The following DCST1 variants were observed in gnomAD, a reference collection of about 807,000 sequenced individuals.
DCST1 encodes E3 ubiquitin-protein ligase DCST1.
A neutral mutation model predicts 89.1 loss-of-function variants in DCST1; 78 were observed. That is an observed-to-expected ratio of 0.88 (90% CI 0.73 to 1.06). The LOEUF is 1.06. Among genes scored for constraint, DCST1 ranks in the 50% least tolerant of loss-of-function variants. DCST1 has a pLI of 0.00. For missense variants in DCST1, 900 were observed against 928.6 expected (o/e 0.97, Z 0.40); for synonymous variants, 364 against 371.9 (o/e 0.98, Z 0.24).
intron 10 of DCST1, among the ~76,000 whole-genome samples, chr1:155,043,716 GCCAA>G (rs1489490934): frequency 2.6e-5 from 4 of 152,080 alleles, no homozygotes; most frequent in African/African-American, 7.2e-5. Flanking sequence ...GCCTTAAAAG[GCCAA>G]CCGTCTTCAT....
chr1:155,042,409 C>T (rs1233032014), intron 8 of DCST1, among the ~76,000 whole-genome samples: 1 of 152,134 alleles, frequency 6.6e-6, no homozygotes, highest in Non-Finnish European at 1.5e-5. Flanking sequence ...ACATTAAGGG[C>T]TTTTAAGGAT....
chr1:155,035,445 AGCCACCGT>A (rs1465630715), intron 4 of DCST1, among the ~76,000 whole-genome samples: 1 of 152,098 alleles, frequency 6.6e-6, no homozygotes, highest in African/African-American at 2.4e-5. Context: ...TACAGGTGTA[AGCCACCGT>A]GCCCAGCCCA....
intron 10 of DCST1, among the ~76,000 whole-genome samples, chr1:155,044,027 A>G (rs1211935790): frequency 6.6e-6 from 1 of 152,020 alleles, no homozygotes; most frequent in Non-Finnish European, 1.5e-5. Flanking sequence ...CTCCACTCCC[A>G]AACACCTGAG....
At chr1:155,041,348 T>G (rs1469795936) in intron 6 of DCST1, 49 bp from the exon 7 acceptor site, 4 of 1,598,862 alleles carry the variant, frequency 2.5e-6, no homozygotes, top group Non-Finnish European at 3.4e-6. Context: ...GCAGCAGAAG[T>G]TCTAAAGCCC....
At chr1:155,034,823 T>G in intron 4 of DCST1, 96 bp downstream of exon 4, 2 of 1,319,102 alleles carry the variant, frequency 1.5e-6, no homozygotes, top group Non-Finnish European at 2.2e-6. Flanking sequence ...GTTTCTTCTG[T>G]ACCCATACAT....
intron 16 of DCST1, chr1:155,049,046 T>A (rs1373065539): frequency 1.4e-6 from 1 of 717,402 alleles, no homozygotes; most frequent in Non-Finnish European, 2.6e-6. Flanking sequence ...ACTGGAGAGA[T>A]CTGTAAGGCC....
intron 10 of DCST1, 70 bp downstream of exon 10, chr1:155,043,579 G>GT (rs1302715483): frequency 1.3e-6 from 2 of 1,486,012 alleles, no homozygotes; most frequent in Non-Finnish European, 1.8e-6. Flanking sequence ...GAGGGAGGCT[G>GT]TAAGGATGGA....
At position 155,041,842 on chromosome 1, in the gene DCST1, T is replaced by C; in HGVS notation, c.877T>C (p.Cys293Arg). ...CCTGCCTATGAAGTTCAAGTTCTTC[T>C]GTGGCATTGCCAAGGGTCTGCACAG... ...LCLPMKFKFF[C>R]GIAKVMEVWC... The change falls in exon 8 of 17, where the codon TGT becomes CGT. Residue 293 changes from cysteine (C) to arginine (R), a missense_variant. By Grantham distance (180) the Cys-to-Arg change is radical. Coordinates refer to ENST00000295542, the MANE Select transcript of DCST1 (RefSeq NM_152494.4). 1 of 1,614,224 alleles carries C rather than the reference T, an allele frequency of 6.2e-7. No homozygotes were observed. Among genetic ancestry groups the C allele is most frequent in the Non-Finnish European group, 8.5e-7 (1 of 1,180,044 alleles).
At chr1:155,042,601 A>G in intron 8 of DCST1, 134 bp from the exon 9 acceptor site, 1 of 1,198,912 alleles carries the variant, frequency 8.3e-7, no homozygotes, top group South Asian at 1.4e-5. Flanking sequence ...AAGACTCAGC[A>G]TTGGTGTGGT....
At chr1:155,047,086 G>A (rs556050950) in intron 13 of DCST1, 110 bp from the exon 14 acceptor site, 1 of 889,964 alleles carries the variant, frequency 1.1e-6, no homozygotes, top group Non-Finnish European at 1.9e-6. Flanking sequence ...AAAGACTCAG[G>A]CAGCTGAGAA....
At chr1:155,047,037 A>G (rs993698409) in intron 13 of DCST1, among the ~76,000 whole-genome samples, 159 bp from the exon 14 acceptor site, 4 of 151,994 alleles carry the variant, frequency 2.6e-5, no homozygotes, top group African/African-American at 9.7e-5. Flanking sequence ...TACACTTACA[A>G]CTGGGAGCAG....
chr1:155,049,840 A>C (rs1181282086), intron 16 of DCST1, among the ~76,000 whole-genome samples: 1 of 152,260 alleles, frequency 6.6e-6, no homozygotes, highest in Non-Finnish European at 1.5e-5. Flanking sequence ...GTCGTGAAGC[A>C]AACTGAATGT....
rs755402254 is a variant in DCST1, at chr1:155,043,504, G to A, written c.1167G>A (p.Leu389=). Residue 389 remains leucine (L), a synonymous_variant, in exon 10 of 17, where the codon CTG becomes CTA. Coordinates refer to ENST00000295542, the MANE Select transcript of DCST1 (RefSeq NM_152494.4). ...TCTCCTGCACTTTCCTGCTGGTCCT[G>A]CATGCGTGAGCCATAGTCCCCACCC... ...VLLSCTFLLV[L]HASFSYMDSY... 4 of 1,583,784 alleles carry A rather than the reference G, an allele frequency of 2.5e-6. No homozygotes were observed. Among genetic ancestry groups the A allele is most frequent in the South Asian group, 2.3e-5 (2 of 85,752 alleles).
intron 2 of DCST1, 147 bp downstream of exon 2, chr1:155,034,244 C>A: frequency 6.5e-7 from 1 of 1,540,814 alleles, no homozygotes; most frequent in Non-Finnish European, 8.9e-7. Flanking sequence ...CCAGCCCAGC[C>A]CTTGCCTTTG....
intron 5 of DCST1, among the ~76,000 whole-genome samples, chr1:155,039,986 G>A (rs1250634911): frequency 2.9e-5 from 2 of 68,412 alleles, no homozygotes; most frequent in African/African-American, 1.3e-4. Flanking sequence ...GCAAGACTCC[G>A]TCTCAAAAAA....
Position 155,041,808 on chromosome 1 carries a change from C to T in DCST1, c.843C>T (p.His281=), listed in dbSNP as rs1425620340. Residue 281 remains histidine, a synonymous_variant, in exon 8 of 17, where the codon CAC becomes CAT. Transcript: ENST00000295542. The part of the protein sequence containing the change: ...MKHIWVPLLT[H]LLCLPMKFKF... ...ACATCTGGGTCCCACTCCTCACCCA[C>T]CTGCTCTGCCTGCCTATGAAGTTCA... 1 of 1,614,248 alleles carries T rather than the reference C, an allele frequency of 6.2e-7. No individual in the cohort carries two copies. The highest frequency in any genetic ancestry group is 1.1e-5 in the South Asian group (1 of 91,082).
chr1:155,034,032 G>A lies in DCST1; in HGVS notation c.-5G>A, dbSNP rs1463440663. The A allele has an allele frequency of 1.2e-6, 2 of 1,614,074 alleles. No individual in the cohort carries two copies. The highest frequency in any genetic ancestry group is 1.7e-6 in the Non-Finnish European group (2 of 1,180,016). ...GGATGAGTGGTGCTTCCCCAAAACAGACTCATGGACATTAAACATCATCAG... is the reference window on the plus strand; with the variant it reads ...GGATGAGTGGTGCTTCCCCAAAACAAACTCATGGACATTAAACATCATCAG... On this transcript the variant is annotated 5_prime_UTR_variant, in exon 2 of 17. Coordinates refer to ENST00000295542, the MANE Select transcript of DCST1 (RefSeq NM_152494.4).
chr1:155,038,082 G>A (rs1386247437), intron 4 of DCST1, among the ~76,000 whole-genome samples: 1 of 152,266 alleles, frequency 6.6e-6, no homozygotes, highest in East Asian at 1.9e-4. Flanking sequence ...ACCCGACAGG[G>A]TTTGCCACAA....
chr1:155,036,891 T>C (rs1660292886), intron 4 of DCST1, among the ~76,000 whole-genome samples: 1 of 152,152 alleles, frequency 6.6e-6, no homozygotes, highest in Admixed American at 6.5e-5. Context: ...AGGCTGGGAG[T>C]GCACACGTCC....
Sources: allele counts gnomAD v4.1 joint callset (sites outside exome capture counted in the v4.1 genomes callset), GRCh38; gene constraint gnomAD v4.1.1; transcripts MANE v1.5; gene names NCBI Gene and HGNC (gene_info 2026-07-23, HGNC 2026-07-21).